Variants in ADGRV1 observed in about 807,000 individuals in gnomAD.
ADGRV1 encodes the protein G-protein coupled receptor 98.
Under a neutral mutation model 596.2 loss-of-function variants are expected in ADGRV1, and 359 were observed. That is an observed-to-expected ratio of 0.60 (90% CI 0.55 to 0.66). The LOEUF (loss-of-function observed/expected upper bound fraction) is 0.66, where lower values mean the gene tolerates loss of function less well. Ranked by LOEUF, ADGRV1 falls within the 30% of genes least tolerant of loss-of-function variation. ADGRV1 has a pLI of 0.00. For missense variants in ADGRV1, 7,274 were observed against 7,575.6 expected (o/e 0.96, Z 1.48); for synonymous variants, 2,681 against 2,679.2 (o/e 1.00, Z -0.02).
Position 90,753,776 on chromosome 5 carries a change from G to A in ADGRV1, c.11324G>A (p.Gly3775Asp). Residue 3775 changes from glycine (G) to aspartate (D), a missense_variant, in exon 54 of 90, where the codon GGC becomes GAC. Coordinates refer to ENST00000405460, the MANE Select transcript of ADGRV1 (RefSeq NM_032119.4). ...ITTLPNDSPF[G>D]LVGWRAASVF... ...ACTTTGCCCAATGACTCACCTTTTGGCTTGGTGGGCTGGCGTGCTGCGTCT... is the reference window on the plus strand; with the variant it reads ...ACTTTGCCCAATGACTCACCTTTTGACTTGGTGGGCTGGCGTGCTGCGTCT... The A allele has an allele frequency of 6.2e-7, 1 of 1,612,892 alleles. No homozygotes were observed. Among genetic ancestry groups the A allele is most frequent in the Non-Finnish European group, 8.5e-7 (1 of 1,179,326 alleles).
chr5:90,669,675 G>A (rs1772144669), intron 21 of ADGRV1, among the ~76,000 whole-genome samples: 2 of 152,192 alleles, frequency 1.3e-5, no homozygotes, highest in African/African-American at 4.8e-5. Flanking sequence ...AACACTAGAT[G>A]TGGTTAAGTG....
chr5:91,002,571 T>C (rs1027527876), intron 85 of ADGRV1, among the ~76,000 whole-genome samples: 1 of 152,174 alleles, frequency 6.6e-6, no homozygotes, highest in African/African-American at 2.4e-5. Flanking sequence ...TGGATCCTAT[T>C]TAGACTTCCA....
chr5:91,014,580 T>C (rs1343507326), intron 85 of ADGRV1, among the ~76,000 whole-genome samples: 1 of 152,000 alleles, frequency 6.6e-6, no homozygotes, highest in Non-Finnish European at 1.5e-5. Flanking sequence ...AGCTTGTTAT[T>C]GGTCTGTTCA....
At position 90,725,234 on chromosome 5, in the gene ADGRV1, T is replaced by A; in HGVS notation, c.10053+2T>A. Reference sequence around the variant, plus strand: ...ACATCTGGATTTAAATTATTCCTGGTAAAAACATTTTCATTTTTAAATAGA... The same window carrying A: ...ACATCTGGATTTAAATTATTCCTGGAAAAAACATTTTCATTTTTAAATAGA... On this transcript the variant is annotated splice_donor_variant, in intron 47 of 89. Coordinates refer to ENST00000405460, the MANE Select transcript of ADGRV1 (RefSeq NM_032119.4). LOFTEE classifies it high-confidence loss of function. 1 of 1,396,318 alleles carries A rather than the reference T, an allele frequency of 7.2e-7. No individual in the cohort carries two copies. The highest frequency in any genetic ancestry group is 9.6e-7 in the Non-Finnish European group (1 of 1,043,162). The allele number at this position is 1,396,318 out of a possible 1,614,324, so 86.5% of individuals were successfully genotyped here. A position where few individuals can be genotyped will look rare whatever the true frequency, so the allele number is the denominator to read the frequency against.
intron 84 of ADGRV1, among the ~76,000 whole-genome samples, chr5:90,967,849 C>G (rs1456674326): frequency 1.3e-5 from 2 of 152,086 alleles, no homozygotes. Flanking sequence ...GAATATGTGA[C>G]CAGAATGCTT....
intron 86 of ADGRV1, among the ~76,000 whole-genome samples, chr5:91,094,374 G>A (rs887794473): frequency 6.6e-6 from 1 of 151,602 alleles, no homozygotes; most frequent in African/African-American, 2.4e-5. Context: ...CAGGAGAATT[G>A]CTTGAACCCA....
At chr5:90,845,186 C>T (rs932870262) in intron 78 of ADGRV1, among the ~76,000 whole-genome samples, 6 of 139,568 alleles carry the variant, frequency 4.3e-5, no homozygotes, top group African/African-American at 1.5e-4. Flanking sequence ...GCTTCGTGGT[C>T]ACCAACTGTG....
intron 1 of ADGRV1, among the ~76,000 whole-genome samples, chr5:90,592,096 C>T (rs576067092): frequency 1.3e-5 from 2 of 152,302 alleles, no homozygotes; most frequent in South Asian, 4.1e-4. Flanking sequence ...CCATTTGATC[C>T]AGCAGTCCCA....
chr5:90,625,310 C>T (rs942469956), intron 6 of ADGRV1, 67 bp downstream of exon 6: 16 of 994,704 alleles, frequency 1.6e-5, no homozygotes, highest in East Asian at 2.5e-5. Context: ...CCTGTATAAA[C>T]TTAGTGTATT....
chr5:90,783,123 G>A lies in ADGRV1; in HGVS notation c.13232-1G>A, dbSNP rs764583867. On this transcript the variant is annotated splice_acceptor_variant, in intron 65 of 89. Transcript: ENST00000405460. LOFTEE classifies it high-confidence loss of function. ...CAATTAATTCCAAGTTCCCATTACA[G>A]TGGAGGAAGATGTTGGGCTGATCAT... The A allele has an allele frequency of 9.3e-6, 15 of 1,612,556 alleles. No individual in the cohort carries two copies. Among genetic ancestry groups the A allele is most frequent in the Non-Finnish European group, 1.3e-5 (15 of 1,178,698 alleles).
chr5:90,565,276 A>G, intron 1 of ADGRV1, among the ~76,000 whole-genome samples: 1 of 152,186 alleles, frequency 6.6e-6, no homozygotes, highest in East Asian at 1.9e-4. Context: ...TGTCTATTCC[A>G]GAACATTTTC....
At chr5:90,710,896 T>G (rs1413241960) in intron 39 of ADGRV1, 85 bp from the exon 40 acceptor site, 1 of 777,814 alleles carries the variant, frequency 1.3e-6, no homozygotes, top group Non-Finnish European at 2.1e-6. Context: ...TTATATAATT[T>G]CAAAGGGACT....
rs112271827 is a variant in ADGRV1 at position 90,633,480 on chromosome 5, G to C, written c.1840-1634G>C. On this transcript the variant is annotated intron_variant, in intron 9 of 89. Transcript: ENST00000405460. Reference sequence around the variant, plus strand: ...TACAGCAATGACAATGTTCATTCACGAATGTGTGCTTGGTCATACATGACC... The same window carrying C: ...TACAGCAATGACAATGTTCATTCACCAATGTGTGCTTGGTCATACATGACC... Among the ~76,000 whole-genome samples the C allele has an allele frequency of 4.8e-3, 728 of 151,860 alleles. 2 individuals are homozygous for C. Among genetic ancestry groups the C allele is most frequent in the Non-Finnish European group, 6.9e-3 (472 of 67,928 alleles).
chr5:91,152,968 G>A (rs1030805549), intron 88 of ADGRV1, among the ~76,000 whole-genome samples: 7 of 152,046 alleles, frequency 4.6e-5, no homozygotes, highest in African/African-American at 7.2e-5. Flanking sequence ...CCATAATCAC[G>A]GCACTTTGAG....
chr5:90,857,865 G>A (rs1767172923), intron 82 of ADGRV1, among the ~76,000 whole-genome samples: 1 of 152,050 alleles, frequency 6.6e-6, no homozygotes. Flanking sequence ...ATATCACTCT[G>A]AACTTGATAG....
At chr5:90,651,559 G>T in intron 17 of ADGRV1, 45 bp from the exon 18 acceptor site, 1 of 1,381,244 alleles carries the variant, frequency 7.2e-7, no homozygotes, top group Non-Finnish European at 9.8e-7. Flanking sequence ...TTTACAGCAA[G>T]TTAGCTACTT....
Position 90,614,034 on chromosome 5 carries a change from C to T in ADGRV1, c.23-801C>T, listed in dbSNP as rs144526860. Reference sequence around the variant, plus strand: ...GTTCACATTTTTAGAGGTATATCTACATTACAAAACAGCAGCACTTTCAGG... The same window carrying T: ...GTTCACATTTTTAGAGGTATATCTATATTACAAAACAGCAGCACTTTCAGG... On this transcript the variant is annotated intron_variant, in intron 1 of 89. Transcript: ENST00000405460. Among the ~76,000 whole-genome samples the T allele has an allele frequency of 1.2e-4, 18 of 151,692 alleles. No individual in the cohort carries two copies. In the East Asian group the frequency reaches 3.5e-3, roughly 30 times the overall value.
At chr5:91,083,734 T>C (rs567504022) in intron 86 of ADGRV1, among the ~76,000 whole-genome samples, 1 of 152,330 alleles carries the variant, frequency 6.6e-6, no homozygotes, top group African/African-American at 2.4e-5. Context: ...ATTTTTGTTC[T>C]TCACATATTT....
At chr5:90,871,724 G>T (rs1768702200) in intron 83 of ADGRV1, among the ~76,000 whole-genome samples, 1 of 152,166 alleles carries the variant, frequency 6.6e-6, no homozygotes, top group South Asian at 2.1e-4. Context: ...CTAGGCAAAA[G>T]CAACATATGA....
Sources: gnomAD v4.1 joint callset for allele counts (sites outside exome capture counted in the v4.1 genomes callset) on GRCh38, gnomAD v4.1.1 for gene constraint, MANE v1.5 for transcripts, NCBI Gene and HGNC (gene_info 2026-07-23, HGNC 2026-07-21) for gene names.